Variants in TRIM68 observed in about 807,000 individuals in gnomAD.
TRIM68 encodes E3 ubiquitin-protein ligase TRIM68.
A neutral mutation model predicts 41.9 loss-of-function variants in TRIM68; 36 were observed. The observed-to-expected ratio is 0.86, with a 90% confidence interval of 0.66 to 1.14. The LOEUF (loss-of-function observed/expected upper bound fraction) is 1.14. Ranked by LOEUF, TRIM68 falls within the 50% of genes most tolerant of loss-of-function variation. TRIM68 has a pLI of 0.00. For missense variants in TRIM68, 632 were observed against 605.1 expected (o/e 1.04, Z -0.47); for synonymous variants, 225 against 224.6 (o/e 1.00, Z -0.02).
chr11:4,601,479 C>T lies in TRIM68; in HGVS notation c.806+185G>A, dbSNP rs7125287. 6.1e-3 allele frequency: 3,860 copies of T among 632,850 alleles called. 56 individuals carry two copies. The highest frequency in any genetic ancestry group is 0.032 in the African/African-American group (1,727 of 54,724). The allele number at this position is 632,850 out of a possible 1,614,324, so 39.2% of individuals were successfully genotyped here. On this transcript the variant is annotated intron_variant, in intron 5 of 6. Coordinates refer to ENST00000300747, the MANE Select transcript of TRIM68 (RefSeq NM_018073.8). ...CACTTGATATACATTTGATCAAGTA[C>T]AAAGAAGAAAAAGGAAAGATCAACA...
At chr11:4,604,195 C>G (rs1846536322) in intron 2 of TRIM68, among the ~76,000 whole-genome samples, 1 of 152,208 alleles carries the variant, frequency 6.6e-6, no homozygotes, top group Non-Finnish European at 1.5e-5. Flanking sequence ...TTAGAAATCC[C>G]TCCCATATAG....
In TRIM68 at chr11:4,602,359, C is replaced by T. The variant is rs773351835; in HGVS notation, c.576G>A (p.Gln192=). 1 of 1,614,148 alleles carries T rather than the reference C, an allele frequency of 6.2e-7. No individual in the cohort carries two copies. Among genetic ancestry groups the T allele is most frequent in the South Asian group, 1.1e-5 (1 of 91,084 alleles). ...QSIVWEFEKY[Q]RLLEKKQPPH... ...GTGGCTGCTTTTTCTCTAGTAATCG[C>T]TGGTATTTTTCAAACTCCCATACAA... Residue 192 remains glutamine, a synonymous_variant, in exon 4 of 7, where the codon CAG becomes CAA. Coordinates refer to ENST00000300747, the MANE Select transcript of TRIM68 (RefSeq NM_018073.8).
At chr11:4,601,969 C>G (rs972985454) in intron 4 of TRIM68, 183 bp downstream of exon 4, 5 of 913,730 alleles carry the variant, frequency 5.5e-6, no homozygotes, top group Admixed American at 2.4e-5. Context: ...GATGCTACAA[C>G]AGACCAGGTC....
At position 4,600,240 on chromosome 11, in the gene TRIM68, C is replaced by G. The variant is rs982774069; in HGVS notation, c.*36G>C. The G allele has an allele frequency of 6.6e-7, 1 of 1,524,934 alleles. No individual in the cohort carries two copies. Among genetic ancestry groups the G allele is most frequent in the Admixed American group, 2.2e-5 (1 of 46,160 alleles). The allele number at this position is 1,524,934 out of a possible 1,614,324, so 94.5% of individuals were successfully genotyped here. On this transcript the variant is annotated 3_prime_UTR_variant, in exon 7 of 7. Coordinates refer to ENST00000300747, the MANE Select transcript of TRIM68 (RefSeq NM_018073.8). ...CTCCAAGCCCCATGGGGGCCAGGCC[C>G]AATTCCAAGCCTCTCTGGTTAGGGT...
rs765094784 is a variant in TRIM68, at chr11:4,600,568, G to A, written c.1166C>T (p.Pro389Leu). The change falls in exon 7 of 7, where the codon CCC becomes CTC. Residue 389 changes from proline to leucine, a missense_variant. Pro to Leu is a moderately conservative substitution (Grantham distance 98). Coordinates refer to ENST00000300747, the MANE Select transcript of TRIM68 (RefSeq NM_018073.8). Reference protein sequence around the residue: ...VDRKEVVYLSPHYGFWVIRLR... With the variant: ...VDRKEVVYLSLHYGFWVIRLR... Reference sequence around the variant, plus strand: ...CCTTATCACCCAGAATCCATAGTGGGGGGATAAGTAGACCACCTCCTTCCG... The same window carrying A: ...CCTTATCACCCAGAATCCATAGTGGAGGGATAAGTAGACCACCTCCTTCCG... 3 of 1,614,052 alleles carry A rather than the reference G, an allele frequency of 1.9e-6. No individual in the cohort carries two copies. Among genetic ancestry groups the A allele is most frequent in the Non-Finnish European group, 2.5e-6 (3 of 1,180,012 alleles).
chr11:4,602,048 C>T (rs1056770962), intron 4 of TRIM68, 104 bp downstream of exon 4: 36 of 1,507,092 alleles, frequency 2.4e-5, no homozygotes, highest in Middle Eastern at 4.4e-4. Context: ...GACCAGCTGG[C>T]AGAGGGCTGG....
rs369399460 is a variant in TRIM68 at position 4,600,618 on chromosome 11, C to T, written c.1116G>A (p.Leu372=). The change falls in exon 7 of 7, where the codon CTG becomes CTA. Residue 372 remains leucine (L), a synonymous_variant. Coordinates refer to ENST00000300747, the MANE Select transcript of TRIM68 (RefSeq NM_018073.8). ...VEVGDRSEWG[L]GVCKQNVDRK... ...GGTCTACATTTTGCTTACATACTCC[C>T]AGGCCCCACTCAGACCTGTCTCCCA... 1.1e-4 allele frequency: 172 copies of T among 1,613,996 alleles called. No individual in the cohort carries two copies. Among genetic ancestry groups the T allele is most frequent in the Non-Finnish European group, 1.4e-4 (160 of 1,180,030 alleles).
intron 4 of TRIM68, chr11:4,601,920 G>A: frequency 1.3e-6 from 1 of 775,104 alleles, no homozygotes; most frequent in South Asian, 1.8e-5. Context: ...GAGAGGGCCT[G>A]GAATGACGCC....
chr11:4,602,565 C>T (rs1485400428), intron 3 of TRIM68, among the ~76,000 whole-genome samples, 153 bp from the exon 4 acceptor site: 1 of 152,186 alleles, frequency 6.6e-6, no homozygotes. Context: ...TCCTAGCTTC[C>T]TGTTCTCCCA....
intron 1 of TRIM68, among the ~76,000 whole-genome samples, chr11:4,606,427 CAAGG>C (rs1846568631): frequency 6.6e-6 from 1 of 152,194 alleles, no homozygotes; most frequent in Non-Finnish European, 1.5e-5. Context: ...AGAATCTATA[CAAGG>C]AAGGGACATG....
Position 4,605,085 on chromosome 11 carries a change from C to G in TRIM68, c.420G>C (p.Glu140Asp), listed in dbSNP as rs766374248. The G allele has an allele frequency of 1.2e-5, 19 of 1,613,358 alleles. No homozygotes were observed. Among genetic ancestry groups the G allele is most frequent in the Admixed American group, 3.3e-5 (2 of 60,008 alleles). The change falls in exon 2 of 7, where the codon GAG (glutamate) becomes GAC (aspartate). Residue 140 changes from glutamate to aspartate, a missense_variant. Physicochemically the swap from Glu to Asp is conservative, Grantham distance 45. Coordinates refer to ENST00000300747, the MANE Select transcript of TRIM68 (RefSeq NM_018073.8). ...SVVPMEDVAW[E>D]YKWELHEALE... Reference sequence around the variant, plus strand: ...GCCAGCTTCCATCTCTCACCTTGTACTCCCAGGCAACATCCTCCATTGGCA... The same window carrying G: ...GCCAGCTTCCATCTCTCACCTTGTAGTCCCAGGCAACATCCTCCATTGGCA...
In TRIM68 at chr11:4,600,818, G is replaced by A. The variant is rs143401810; in HGVS notation, c.916C>T (p.Arg306Cys). The change falls in exon 7 of 7, where the codon CGC becomes TGC. Residue 306 changes from arginine (R) to cysteine (C), a missense_variant. Physicochemically the swap from Arg to Cys is radical, Grantham distance 180. Transcript: ENST00000300747. Reference sequence around the variant, plus strand: ...GAGTAAGCAGTATCTGGATCCAAGCGCACATCAGCTAGAAGAAAAGGTCCT... The same window carrying A: ...GAGTAAGCAGTATCTGGATCCAAGCACACATCAGCTAGAAGAAAAGGTCCT... ...EILKTYAADV[R>C]LDPDTAYSRL... The A allele has an allele frequency of 2.9e-5, 46 of 1,611,834 alleles. No homozygotes were observed. The highest frequency in any genetic ancestry group is 1.0e-4 in the Admixed American group (6 of 59,962).
At chr11:4,601,469 T>C (rs771771432) in intron 5 of TRIM68, 195 bp downstream of exon 5, 275 of 618,324 alleles carry the variant, frequency 4.4e-4, no homozygotes, top group Admixed American at 1.1e-3. Flanking sequence ...GATATACATT[T>C]GATCAAGTAC....
Position 4,605,454 on chromosome 11 carries a change from GGGACA to G in TRIM68, c.46_50del (p.Cys16HisfsTer13). 1 of 1,613,382 alleles carries G rather than the reference GGGACA, an allele frequency of 6.2e-7. No homozygotes were observed. Among genetic ancestry groups the G allele is most frequent in the East Asian group, 2.2e-5 (1 of 44,838 alleles). ...GCTCCCTCAGGAAGGTCATACAGAT[GGGACA>G]GGCCACTTCTTCCACAATGGCTTCC... On this transcript the variant is annotated frameshift_variant, in exon 2 of 7. Coordinates refer to ENST00000300747, the MANE Select transcript of TRIM68 (RefSeq NM_018073.8). LOFTEE classifies it high-confidence loss of function.
chr11:4,602,123 C>A lies in TRIM68; in HGVS notation c.783+29G>T, dbSNP rs760205496. On this transcript the variant is annotated intron_variant, in intron 4 of 6. Coordinates refer to ENST00000300747, the MANE Select transcript of TRIM68 (RefSeq NM_018073.8). ...TCTCAGTCTATCTTCAGCTGTCACT[C>A]AGGGTTACCAGGAAAACCTACTACT... 73 of 1,613,554 alleles carry A rather than the reference C, an allele frequency of 4.5e-5. 1 individual carries two copies. The South Asian group carries it at 7.3e-4, about 16-fold the overall frequency.
At chr11:4,600,930 G>T in intron 6 of TRIM68, 97 bp downstream of exon 6, 3 of 1,562,214 alleles carry the variant, frequency 1.9e-6, no homozygotes, top group Non-Finnish European at 2.6e-6. Flanking sequence ...ATGAAGGGGT[G>T]AGGCTGGATG....
rs761529253 is a variant in TRIM68 at position 4,600,668 on chromosome 11, C to T, written c.1066G>A (p.Gly356Ser). Residue 356 changes from glycine to serine, a missense_variant, in exon 7 of 7, where the codon GGC (glycine) becomes AGC (serine). By Grantham distance (56) the Gly-to-Ser change is moderately conservative. Transcript: ENST00000300747. ...ACCTCCACCTCCCAGTAGTGCCGGC[C>T]TGAGGAGATGCACTGGCTTCCCAGG... Reference protein sequence around the residue: ...IVLGSQCISSGRHYWEVEVGD... With the variant: ...IVLGSQCISSSRHYWEVEVGD... The T allele has an allele frequency of 4.2e-5, 68 of 1,614,042 alleles. No individual in the cohort carries two copies. The highest frequency in any genetic ancestry group is 3.6e-5 in the Non-Finnish European group (43 of 1,180,034).
chr11:4,600,478 G>A lies in TRIM68; in HGVS notation c.1256C>T (p.Pro419Leu). ...CACGAAGATTCCCACCCGGCGAGGA[G>A]GGACCGGCAAGGACAGGATTGGGTA... ...DEYPILSLPV[P>L]PRRVGIFVDY... Residue 419 changes from proline (P) to leucine (L), a missense_variant, in exon 7 of 7, where the codon CCT becomes CTT. Transcript: ENST00000300747. 6.2e-7 allele frequency: 1 copy of A among 1,613,586 alleles called. No homozygotes were observed. Among genetic ancestry groups the A allele is most frequent in the Non-Finnish European group, 8.5e-7 (1 of 1,179,708 alleles).
chr11:4,601,017 G>T lies in TRIM68; in HGVS notation c.907+10C>A, dbSNP rs1267084080. 6.2e-7 allele frequency: 1 copy of T among 1,612,408 alleles called. No homozygotes were observed. Among genetic ancestry groups the T allele is most frequent in the Non-Finnish European group, 8.5e-7 (1 of 1,178,432 alleles). ...CACTGTCCACTACAGTCTCCCCCAG[G>T]ATCCATTACCTGCATAAGTCTTCAG... On this transcript the variant is annotated intron_variant, in intron 6 of 6. Transcript: ENST00000300747.
Sources: gnomAD v4.1 joint callset for allele counts (sites outside exome capture counted in the v4.1 genomes callset) on GRCh38, gnomAD v4.1.1 for gene constraint, MANE v1.5 for transcripts, NCBI Gene and HGNC (gene_info 2026-07-23, HGNC 2026-07-21) for gene names.